The following CSNK1D variants were observed in gnomAD, a reference collection of about 807,000 sequenced individuals.
CSNK1D encodes the protein casein kinase I isoform delta.
A neutral mutation model predicts 46.6 loss-of-function variants in CSNK1D; 16 were observed. The ratio of observed to expected loss-of-function variants is 0.34; its 90% CI spans 0.23 to 0.52. CSNK1D has a LOEUF of 0.52. CSNK1D is among the 20% of genes least tolerant of loss of function. The probability of loss-of-function intolerance (pLI) is 0.95; values close to 1 mark genes in which losing one functional copy is unlikely to be tolerated. For missense variants in CSNK1D, 398 were observed against 578.4 expected, an observed-to-expected ratio of 0.69 and a Z score of 3.20; for synonymous variants, 276 against 228.2, an observed-to-expected ratio of 1.21 and a Z score of -1.89.
chr17:82,252,699 G>GAC lies in CSNK1D; in HGVS notation c.566-97_566-96dup. ...GCCGTTCCAGTGGAGACTAGCCTCA[G>GAC]ACACACATGCCCAGATCACTCCAGC... On this transcript the variant is annotated intron_variant, in intron 4 of 8. Coordinates refer to ENST00000314028, the MANE Select transcript of CSNK1D (RefSeq NM_001893.6). This position sits in a 1 kb window ranked among gnomAD's most constrained non-coding sequence, Gnocchi z 4.6. 5 of 1,265,486 alleles carry GAC rather than the reference G, an allele frequency of 4.0e-6. No individual in the cohort carries two copies. In the South Asian group the frequency reaches 5.1e-5, roughly 13 times the overall value. The allele number at this position is 1,265,486 out of a possible 1,614,324, so 78.4% of individuals were successfully genotyped here. A position where few individuals can be genotyped will look rare whatever the true frequency, so the allele number is the denominator to read the frequency against.
At chr17:82,265,524 C>T in intron 2 of CSNK1D, 162 bp downstream of exon 2, 1 of 680,674 alleles carries the variant, frequency 1.5e-6, no homozygotes, top group Non-Finnish European at 2.7e-6. Flanking sequence ...GGACCCAAGA[C>T]TCTCTGAAGG....
intron 8 of CSNK1D, chr17:82,246,961 GCCA>G (rs2050866322): frequency 6.1e-6 from 6 of 985,392 alleles, no homozygotes; most frequent in African/African-American, 1.7e-5. Context: ...GCTGCTCACA[GCCA>G]CCACGTGTGC....
At chr17:82,239,963 G>A (rs2050718383), downstream of CSNK1D, 1 of 1,230,882 alleles carries the variant, frequency 8.1e-7, no homozygotes, top group Non-Finnish European at 1.0e-6. Flanking sequence ...CCGGTCAGAG[G>A]CCGCCGGGGC....
chr17:82,246,541 C>T, intron 8 of CSNK1D: 1 of 1,059,038 alleles, frequency 9.4e-7, no homozygotes, highest in South Asian at 3.0e-5. Flanking sequence ...GCCTTTAGGG[C>T]CCAGGCTACT....
In CSNK1D at chr17:82,244,535, T is replaced by TTTTC; in HGVS notation, c.*242_*245dup. 6.9e-7 allele frequency: 1 copy of TTTTC among 1,451,596 alleles called. No homozygotes were observed. Among genetic ancestry groups the TTTTC allele is most frequent in the East Asian group, 2.5e-5 (1 of 39,326 alleles). 89.9% of individuals were successfully genotyped at this position (1,451,596 alleles called of 1,614,324 possible). On this transcript the variant is annotated 3_prime_UTR_variant, in exon 9 of 9. Coordinates refer to ENST00000314028, the MANE Select transcript of CSNK1D (RefSeq NM_001893.6). ...TGATTCTCTGCAATTCTCTCTCTGC[T>TTTTC]TTTCTTCCCAGCCCCGTTACAACCG...
chr17:82,271,462 T>C (rs890460706), intron 1 of CSNK1D, among the ~76,000 whole-genome samples: 3 of 152,160 alleles, frequency 2.0e-5, no homozygotes. Context: ...TTCGCCAAAA[T>C]CCATTGTTCT....
intron 2 of CSNK1D, among the ~76,000 whole-genome samples, chr17:82,259,846 T>C (rs2051277663): frequency 6.6e-6 from 1 of 152,258 alleles, no homozygotes; most frequent in Non-Finnish European, 1.5e-5. Flanking sequence ...ACACTAAAAC[T>C]TTCATGTATT....
chr17:82,244,490 G>A lies in CSNK1D; in HGVS notation c.*291C>T, dbSNP rs951704321. The A allele has an allele frequency of 5.0e-6, 7 of 1,396,750 alleles. No homozygotes were observed. Among genetic ancestry groups the A allele is most frequent in the Middle Eastern group, 2.7e-4 (1 of 3,710 alleles). The allele number at this position is 1,396,750 out of a possible 1,614,324, so 86.5% of individuals were successfully genotyped here. A position where few individuals can be genotyped will look rare whatever the true frequency, so the allele number is the denominator to read the frequency against. Reference sequence around the variant, plus strand: ...AGGGCGGCCACCACTGGAGGGAGCTGAGGCCCTGGAAAAGGAGTCTGATTC... The same window carrying A: ...AGGGCGGCCACCACTGGAGGGAGCTAAGGCCCTGGAAAAGGAGTCTGATTC... On this transcript the variant is annotated 3_prime_UTR_variant, in exon 9 of 9. Transcript: ENST00000314028.
intron 3 of CSNK1D, chr17:82,253,508 G>A (rs962040902): frequency 2.9e-5 from 14 of 479,780 alleles, no homozygotes; most frequent in Non-Finnish European, 4.7e-5. Flanking sequence ...ACAGAGAGGG[G>A]ACAACCCGCC....
intron 2 of CSNK1D, among the ~76,000 whole-genome samples, chr17:82,260,063 ATGTGACTGATGGTGTAC>A (rs2051286852): frequency 6.9e-6 from 1 of 144,690 alleles, no homozygotes; most frequent in Non-Finnish European, 1.5e-5. Context: ...GTACTGACTG[ATGTGACTGATGGTGTAC>A]TGGTGTACTG....
Position 82,255,817 on chromosome 17 carries a change from G to A in CSNK1D, c.188-240C>T, listed in dbSNP as rs910615271. ...GGCCAAGCAGACAGGAGCTGTAAGG[G>A]GGACAAGGAGGGGATCGAAGCCCCA... On this transcript the variant is annotated intron_variant, in intron 2 of 8. Transcript: ENST00000314028. This position sits in a 1 kb window ranked among gnomAD's most constrained non-coding sequence, Gnocchi z 5.9. 1.3e-5 allele frequency among the ~76,000 whole-genome samples: 2 copies of A among 152,338 alleles called. No individual in the cohort carries two copies. Among genetic ancestry groups the A allele is most frequent in the South Asian group, 4.1e-4 (2 of 4,824 alleles).
chr17:82,271,905 C>G (rs1384890913), intron 1 of CSNK1D, among the ~76,000 whole-genome samples: 2 of 152,230 alleles, frequency 1.3e-5, no homozygotes, highest in South Asian at 2.1e-4. Flanking sequence ...AAAGCTAGGG[C>G]TGCTGGAACA....
At position 82,268,201 on chromosome 17, in the gene CSNK1D, C is replaced by A. The variant is rs181926046; in HGVS notation, c.77-2405G>T. ...CCTGCAGCAGGGACCTCGTCACCTG[C>A]TGGGCAGAAGCATCAAGAAGCAGAA... On this transcript the variant is annotated intron_variant, in intron 1 of 8. Coordinates refer to ENST00000314028, the MANE Select transcript of CSNK1D (RefSeq NM_001893.6). Among the ~76,000 whole-genome samples, 15 of 152,332 alleles carry A rather than the reference C, an allele frequency of 9.8e-5. No homozygotes were observed. The East Asian group carries it at 2.3e-3, about 23-fold the overall frequency.
intron 8 of CSNK1D, 167 bp from the exon 9 acceptor site, chr17:82,244,998 AC>A: frequency 1.2e-6 from 1 of 819,190 alleles, no homozygotes; most frequent in South Asian, 1.5e-5. Context: ...TGGCTGGGAC[AC>A]GTGCTCAGCA....
intron 1 of CSNK1D, among the ~76,000 whole-genome samples, chr17:82,269,481 C>G (rs1325077093): frequency 6.6e-6 from 1 of 152,182 alleles, no homozygotes; most frequent in Non-Finnish European, 1.5e-5. Flanking sequence ...TGCAGGCTGC[C>G]TCTTGAGAAA....
intron 1 of CSNK1D, 68 bp from the exon 2 acceptor site, chr17:82,265,864 AAAC>A: frequency 2.4e-6 from 3 of 1,253,560 alleles, no homozygotes; most frequent in Non-Finnish European, 1.2e-6. Context: ...CATGCTGGAG[AAAC>A]AACAAGCACT....
chr17:82,249,953 A>G lies in CSNK1D; in HGVS notation c.886-351T>C, dbSNP rs2050958352. The G allele has an allele frequency of 8.0e-7, 1 of 1,256,628 alleles. No individual in the cohort carries two copies. The highest frequency in any genetic ancestry group is 1.0e-6 in the Non-Finnish European group (1 of 984,494). 77.8% of individuals were successfully genotyped at this position (1,256,628 alleles called of 1,614,324 possible). Reference sequence around the variant, plus strand: ...GTGCAGAAAGAGGAGAGGGACAGGAACCATCGGAGGCCAAAGACAGGCCCC... The same window carrying G: ...GTGCAGAAAGAGGAGAGGGACAGGAGCCATCGGAGGCCAAAGACAGGCCCC... On this transcript the variant is annotated intron_variant, in intron 6 of 8. Transcript: ENST00000314028. This position sits in a 1 kb window ranked among gnomAD's most constrained non-coding sequence, Gnocchi z 6.7.
chr17:82,272,750 C>T (rs185890698), intron 1 of CSNK1D, among the ~76,000 whole-genome samples: 12 of 152,224 alleles, frequency 7.9e-5, no homozygotes, highest in Non-Finnish European at 1.3e-4. Context: ...TGCAAGACAC[C>T]GGGGCAGCCT....
At chr17:82,239,461 T>A (rs1420685440), downstream of CSNK1D, 3 of 166,794 alleles carry the variant, frequency 1.8e-5, no homozygotes, top group Non-Finnish European at 2.6e-5. Flanking sequence ...TAAACCTGCG[T>A]GTGGGTGGAG....
Sources: allele counts gnomAD v4.1 joint callset (sites outside exome capture counted in the v4.1 genomes callset), GRCh38; gene constraint gnomAD v4.1.1; non-coding constraint Gnocchi (gnomAD v3.1); transcripts MANE v1.5; gene names NCBI Gene and HGNC (gene_info 2026-07-23, HGNC 2026-07-21).